LPIN1: variants seen among roughly 807,000 people sequenced by gnomAD.
LPIN1 encodes lipin 1.
Under a neutral mutation model 107.5 loss-of-function variants are expected in LPIN1, and 71 were observed. The ratio of observed to expected loss-of-function variants is 0.66; its 90% CI spans 0.55 to 0.80. LPIN1 has a LOEUF of 0.80. Among genes scored for constraint, LPIN1 ranks in the 30% least tolerant of loss-of-function variants. The pLI is 0.00. For missense variants in LPIN1, 1,043 were observed against 1,160.6 expected (o/e 0.90, Z 1.47); for synonymous variants, 445 against 452.6 (o/e 0.98, Z 0.21).
At chr2:11,791,566 A>G in intron 12 of LPIN1, 1 of 812,420 alleles carries the variant, frequency 1.2e-6, no homozygotes, top group South Asian at 1.9e-5. Context: ...GAGAGTAATG[A>G]TATCTTAACC....
chr2:11,738,946 G>C lies in LPIN1; in HGVS notation c.-71-2403G>C, dbSNP rs999109305. ...GCCTGGGGATATTGTGTGTCTGTGAGAGCAGCTTAGAAATAGATCCCTAAA... is the reference window on the plus strand; with the variant it reads ...GCCTGGGGATATTGTGTGTCTGTGACAGCAGCTTAGAAATAGATCCCTAAA... On this transcript the variant is annotated intron_variant, in intron 1 of 21. Coordinates refer to the LPIN1 transcript ENST00000396097. 5.9e-5 allele frequency among the ~76,000 whole-genome samples: 9 copies of C among 152,246 alleles called. No individual in the cohort carries two copies. In the East Asian group the frequency reaches 1.5e-3, roughly 26 times the overall value.
At chr2:11,688,523 C>G (rs1662120406) in intron 1 of LPIN1, among the ~76,000 whole-genome samples, 1 of 152,286 alleles carries the variant, frequency 6.6e-6, no homozygotes, top group Middle Eastern at 3.4e-3. Context: ...TCATTTACCC[C>G]GTAAAAGTGC....
chr2:11,797,326 G>A (rs1214976009), intron 14 of LPIN1, among the ~76,000 whole-genome samples: 1 of 152,228 alleles, frequency 6.6e-6, no homozygotes, highest in Non-Finnish European at 1.5e-5. Context: ...CCGTCTCACT[G>A]GGTCTTCGAG....
intron 1 of LPIN1, among the ~76,000 whole-genome samples, chr2:11,755,454 C>CTCGT (rs1463918739): frequency 6.6e-6 from 1 of 152,152 alleles, no homozygotes; most frequent in Non-Finnish European, 1.5e-5. Flanking sequence ...ATGAGCAAGC[C>CTCGT]TCGTCCCTGT....
At chr2:11,819,721 T>C in intron 19 of LPIN1, 123 bp downstream of exon 19, 1 of 802,018 alleles carries the variant, frequency 1.2e-6, no homozygotes, top group Non-Finnish European at 2.2e-6. Flanking sequence ...AGCAGTAGCC[T>C]GGTGAAGAGC....
intron 13 of LPIN1, 187 bp downstream of exon 13, chr2:11,792,193 G>T: frequency 1.7e-6 from 1 of 597,466 alleles, no homozygotes; most frequent in Non-Finnish European, 3.1e-6. Context: ...GGAAGGTCAG[G>T]AGCCAGCAGC....
chr2:11,797,811 G>A (rs1213894745), intron 14 of LPIN1, among the ~76,000 whole-genome samples: 1 of 152,182 alleles, frequency 6.6e-6, no homozygotes, highest in Non-Finnish European at 1.5e-5. Context: ...AAGACTTTGG[G>A]GGACTGTTGG....
intron 7 of LPIN1, among the ~76,000 whole-genome samples, chr2:11,780,578 T>A (rs899370261): frequency 6.6e-6 from 1 of 152,154 alleles, no homozygotes; most frequent in Non-Finnish European, 1.5e-5. Flanking sequence ...TTTGACCCTA[T>A]GGAGATCTCC....
At chr2:11,693,997 G>A (rs1449709667) in intron 1 of LPIN1, among the ~76,000 whole-genome samples, 1 of 151,034 alleles carries the variant, frequency 6.6e-6, no homozygotes, top group East Asian at 1.9e-4. Flanking sequence ...ACCACATCTG[G>A]CTAATTTTTG....
exon 1 of LPIN1, chr2:11,724,515 A>T: frequency 2.0e-6 from 2 of 985,682 alleles, no homozygotes; most frequent in Non-Finnish European, 2.4e-6. Context: ...TCAGAAGAAA[A>T]AGGAGAATCC....
intron 20 of LPIN1, among the ~76,000 whole-genome samples, chr2:11,820,917 A>T (rs1443423783): frequency 6.6e-6 from 1 of 152,226 alleles, no homozygotes; most frequent in African/African-American, 2.4e-5. Flanking sequence ...TTCTTACCAG[A>T]GACATTGCTG....
chr2:11,775,468 T>C (rs2148642587), intron 5 of LPIN1, among the ~76,000 whole-genome samples: 1 of 152,382 alleles, frequency 6.6e-6, no homozygotes, highest in East Asian at 1.9e-4. Flanking sequence ...GCATAATGAC[T>C]GAGTCAGGTT....
intron 2 of LPIN1, among the ~76,000 whole-genome samples, chr2:11,717,214 C>T (rs1663805902): frequency 6.6e-6 from 1 of 152,138 alleles, no homozygotes; most frequent in Non-Finnish European, 1.5e-5. Context: ...CTGTTCCTAC[C>T]CAGTTAATTG....
chr2:11,776,212 C>A lies in LPIN1; in HGVS notation c.830+19C>A. 1 of 1,449,312 alleles carries A rather than the reference C, an allele frequency of 6.9e-7. No homozygotes were observed. The highest frequency in any genetic ancestry group is 9.4e-7 in the Non-Finnish European group (1 of 1,062,908). 89.8% of individuals were successfully genotyped at this position (1,449,312 alleles called of 1,614,324 possible). On this transcript the variant is annotated intron_variant, in intron 6 of 20. Coordinates refer to ENST00000674199, the MANE Select transcript of LPIN1 (RefSeq NM_001349206.2). ...CGGAAAGGTAGAGGAGTTATTTTCCCCATTGGGATATATTCAATAATGAAA... is the reference window on the plus strand; with the variant it reads ...CGGAAAGGTAGAGGAGTTATTTTCCACATTGGGATATATTCAATAATGAAA...
chr2:11,767,423 C>T (rs568263973), intron 2 of LPIN1: 11 of 319,720 alleles, frequency 3.4e-5, no homozygotes, highest in East Asian at 1.6e-4. Flanking sequence ...CAGGTGGTCT[C>T]GGAGGAATCT....
At chr2:11,720,348 C>T (rs548117516), upstream of LPIN1, among the ~76,000 whole-genome samples, 1 of 152,256 alleles carries the variant, frequency 6.6e-6, no homozygotes, top group Non-Finnish European at 1.5e-5. Context: ...CCAGGCACTG[C>T]ACTAGATACT....
At chr2:11,704,592 T>A (rs1663036936) in intron 1 of LPIN1, among the ~76,000 whole-genome samples, 1 of 152,192 alleles carries the variant, frequency 6.6e-6, no homozygotes. Flanking sequence ...GTCCATGAAG[T>A]CTGGAATCAA....
intron 5 of LPIN1, among the ~76,000 whole-genome samples, chr2:11,773,948 T>C (rs1337077508): frequency 6.6e-6 from 1 of 152,224 alleles, no homozygotes. Context: ...TCAGAATCCA[T>C]CTGCAGATAT....
At chr2:11,813,172 G>A (rs75120308) in intron 17 of LPIN1, among the ~76,000 whole-genome samples, 2,942 of 152,242 alleles carry the variant, frequency 0.019, 48 homozygotes, top group Non-Finnish European at 0.03. Flanking sequence ...CACGTACTGC[G>A]CAGTGGGTGT....
Sources: gnomAD v4.1 joint callset for allele counts (sites outside exome capture counted in the v4.1 genomes callset) on GRCh38, gnomAD v4.1.1 for gene constraint, MANE v1.5 for transcripts, NCBI Gene and HGNC (gene_info 2026-07-23, HGNC 2026-07-21) for gene names.